NALCN: variants seen among roughly 807,000 people sequenced by gnomAD.
The protein encoded by NALCN is sodium leak channel, non-selective, also known as sodium leak channel NALCN.
In NALCN, 111 loss-of-function variants were observed where a neutral mutation model predicts 225.3. The observed-to-expected ratio is 0.49, with a 90% confidence interval of 0.42 to 0.58. The LOEUF is 0.58. Among genes scored for constraint, NALCN ranks in the 20% least tolerant of loss-of-function variants. The probability of loss-of-function intolerance (pLI) is 0.00; values close to 1 mark genes in which losing one functional copy is unlikely to be tolerated. For synonymous variants in NALCN, 764 were observed against 769.0 expected (o/e 0.99, Z 0.11); for missense variants, 1,378 against 2,202.4 (o/e 0.63, Z 7.49).
At chr13:101,199,155 G>A (rs2040010527) in intron 13 of NALCN, among the ~76,000 whole-genome samples, 1 of 151,754 alleles carries the variant, frequency 6.6e-6, no homozygotes, top group Non-Finnish European at 1.5e-5. Flanking sequence ...GGGGGGAGGT[G>A]GGAGGTATAG....
At chr13:101,197,595 C>T (rs894764031) in intron 13 of NALCN, among the ~76,000 whole-genome samples, 6 of 152,092 alleles carry the variant, frequency 3.9e-5, no homozygotes, top group East Asian at 1.9e-4. Flanking sequence ...CATCACTATA[C>T]GGGTCAATCA....
At chr13:101,256,039 G>A (rs955189334) in intron 11 of NALCN, among the ~76,000 whole-genome samples, 2 of 152,098 alleles carry the variant, frequency 1.3e-5, no homozygotes, top group Admixed American at 1.3e-4. Flanking sequence ...CACTCTGAGT[G>A]ACTTCAATGT....
In NALCN at chr13:101,200,453, T is replaced by G. The variant is rs1425513867; in HGVS notation, c.1627-8399A>C. 2.0e-5 allele frequency among the ~76,000 whole-genome samples: 3 copies of G among 152,174 alleles called. No homozygotes were observed. In the East Asian group the frequency reaches 5.8e-4, roughly 29 times the overall value. The stretch of plus-strand genomic sequence containing the variant: ...GATAACATTTTTCCCCTAAATGCCC[T>G]CACGCTTTGGTGCTGTATTTTCCGG... On this transcript the variant is annotated intron_variant, in intron 13 of 43. Transcript: ENST00000251127.
chr13:101,376,553 A>G, intron 6 of NALCN, 147 bp downstream of exon 6: 1 of 674,354 alleles, frequency 1.5e-6, no homozygotes, highest in Non-Finnish European at 2.2e-6. Flanking sequence ...AAAACTGGAC[A>G]AAAACAATAC....
chr13:101,134,956 A>G (rs527570827), intron 17 of NALCN, among the ~76,000 whole-genome samples: 1 of 152,330 alleles, frequency 6.6e-6, no homozygotes, highest in East Asian at 1.9e-4. Flanking sequence ...GCACTTTGGG[A>G]GGCCGAGGCG....
At position 101,307,200 on chromosome 13, in the gene NALCN, T is replaced by G. The variant is rs376026186; in HGVS notation, c.800-14834A>C. Among the ~76,000 whole-genome samples the G allele has an allele frequency of 2.0e-4, 31 of 152,270 alleles. 1 individual carries two copies. The East Asian group carries it at 2.7e-3, about 13-fold the overall frequency. ...AGAAAAACCTCATGTTTTGGTATGA[T>G]TAGCTTCTGAGCAGAGCGATGGTGG... is the stretch of plus-strand genomic sequence containing the variant. On this transcript the variant is annotated intron_variant, in intron 7 of 43. Coordinates refer to ENST00000251127, the MANE Select transcript of NALCN (RefSeq NM_052867.4).
At chr13:101,159,155 G>A (rs2038043757) in intron 15 of NALCN, among the ~76,000 whole-genome samples, 1 of 152,178 alleles carries the variant, frequency 6.6e-6, no homozygotes, top group South Asian at 2.1e-4. Flanking sequence ...TAAATGGCAA[G>A]GAATGAATAT....
At chr13:101,128,812 C>G (rs758550128) in intron 17 of NALCN, among the ~76,000 whole-genome samples, 1 of 152,058 alleles carries the variant, frequency 6.6e-6, no homozygotes, top group Non-Finnish European at 1.5e-5. Context: ...ATCCTCCTGC[C>G]GTGGCCTCCC....
At position 101,376,713 on chromosome 13, in the gene NALCN, C is replaced by A; in HGVS notation, c.631G>T (p.Asp211Tyr). Reference protein sequence around the residue: ...GTFTYHCVVNDTKPGNVTWNS... With the variant: ...GTFTYHCVVNYTKPGNVTWNS... ...AGATAAACTTACCCTGGCTTTGTGTCATTTACAACACAGTGATAAGTAAAT... is the reference window on the plus strand; with the variant it reads ...AGATAAACTTACCCTGGCTTTGTGTAATTTACAACACAGTGATAAGTAAAT... The change falls in exon 6 of 44, where the codon GAC becomes TAC. Residue 211 changes from aspartate to tyrosine, a missense_variant. Around this residue, in one of 19 missense-constraint regions of NALCN, gnomAD observed 67 missense variants for 82.1 expected, o/e 0.82. Transcript: ENST00000251127. 6.2e-7 allele frequency: 1 copy of A among 1,601,232 alleles called. No individual in the cohort carries two copies. Among genetic ancestry groups the A allele is most frequent in the South Asian group, 1.1e-5 (1 of 88,910 alleles).
In NALCN at chr13:101,121,187, T is replaced by C. The variant is rs1017930405; in HGVS notation, c.2192+3421A>G. Among the ~76,000 whole-genome samples the C allele has an allele frequency of 9.9e-5, 15 of 151,986 alleles. 1 individual carries two copies. The highest frequency in any genetic ancestry group is 3.6e-4 in the African/African-American group (15 of 41,394). On this transcript the variant is annotated intron_variant, in intron 18 of 43. Transcript: ENST00000251127. ...GGGGGATTTAACACCAAGTCCAGTATCCTACATTAGATCTTCAGGGGCCCT... is the reference window on the plus strand; with the variant it reads ...GGGGGATTTAACACCAAGTCCAGTACCCTACATTAGATCTTCAGGGGCCCT...
At chr13:101,190,327 T>G (rs1023762537) in intron 14 of NALCN, among the ~76,000 whole-genome samples, 4 of 152,210 alleles carry the variant, frequency 2.6e-5, no homozygotes, top group Non-Finnish European at 2.9e-5. Flanking sequence ...ATTCCATAGT[T>G]TTAGAGTAAC....
chr13:101,374,401 G>A (rs985098355), intron 6 of NALCN, among the ~76,000 whole-genome samples: 8 of 149,264 alleles, frequency 5.4e-5, no homozygotes, highest in Admixed American at 1.4e-4. Context: ...TCAGCCTCCC[G>A]ATCACAGGTG....
At chr13:101,204,716 G>A (rs1399431008) in intron 13 of NALCN, among the ~76,000 whole-genome samples, 1 of 152,050 alleles carries the variant, frequency 6.6e-6, no homozygotes, top group Non-Finnish European at 1.5e-5. Context: ...ATGTCCAATT[G>A]TCTCTTTCCT....
chr13:101,064,825 T>C (rs1187935435), intron 40 of NALCN, among the ~76,000 whole-genome samples: 1 of 152,088 alleles, frequency 6.6e-6, no homozygotes, highest in Non-Finnish European at 1.5e-5. Flanking sequence ...TAAGTTACAG[T>C]AGCCCAAGGA....
intron 13 of NALCN, among the ~76,000 whole-genome samples, chr13:101,195,951 G>A (rs368845865): frequency 2.0e-5 from 3 of 152,040 alleles, no homozygotes; most frequent in East Asian, 3.9e-4. Context: ...TGGGTCATCC[G>A]TGCTTCTCAG....
intron 15 of NALCN, among the ~76,000 whole-genome samples, chr13:101,157,046 T>A (rs1469827189): frequency 6.6e-6 from 1 of 152,112 alleles, no homozygotes; most frequent in Non-Finnish European, 1.5e-5. Context: ...AGGGATAACA[T>A]TAAAGAAAAT....
intron 11 of NALCN, among the ~76,000 whole-genome samples, chr13:101,245,547 T>C (rs780672534): frequency 1.3e-5 from 2 of 152,102 alleles, no homozygotes; most frequent in East Asian, 1.9e-4. Flanking sequence ...ATCTGCATTA[T>C]AAAAGAGAGA....
intron 7 of NALCN, among the ~76,000 whole-genome samples, chr13:101,307,583 T>C (rs1371565357): frequency 6.6e-6 from 1 of 152,216 alleles, no homozygotes; most frequent in Non-Finnish European, 1.5e-5. Flanking sequence ...AAACTTTTCT[T>C]GGCTTGGTTT....
At chr13:101,411,142 T>A (rs1237846182) in intron 1 of NALCN, among the ~76,000 whole-genome samples, 1 of 152,222 alleles carries the variant, frequency 6.6e-6, no homozygotes, top group Non-Finnish European at 1.5e-5. Context: ...TGCTATCAGA[T>A]TTAGAGTTTA....
Sources: allele counts gnomAD v4.1 joint callset (sites outside exome capture counted in the v4.1 genomes callset), GRCh38; gene constraint gnomAD v4.1.1; regional missense constraint gnomAD v4.1.1; transcripts MANE v1.5; gene names NCBI Gene and HGNC (gene_info 2026-07-23, HGNC 2026-07-21).